The following RNF150 variants were observed in gnomAD, a reference collection of about 807,000 sequenced individuals.
RNF150 encodes the protein ring finger protein 150.
A neutral mutation model predicts 39.3 loss-of-function variants in RNF150; 24 were observed. The ratio of observed to expected loss-of-function variants is 0.61; its 90% CI spans 0.44 to 0.86. The LOEUF (loss-of-function observed/expected upper bound fraction) is 0.86. RNF150 is among the 40% of genes least tolerant of loss of function. The pLI is 0.00. For missense variants in RNF150, 502 were observed against 587.8 expected, an observed-to-expected ratio of 0.85 and a Z score of 1.51; for synonymous variants, 255 against 227.3, an observed-to-expected ratio of 1.12 and a Z score of -1.10.
intron 1 of RNF150, among the ~76,000 whole-genome samples, chr4:141,062,560 T>C (rs1737279395): frequency 6.6e-6 from 1 of 152,202 alleles, no homozygotes; most frequent in African/African-American, 2.4e-5. Context: ...CTGAACGCTT[T>C]AAGCTTGCAG....
At chr4:141,194,286 G>C (rs1272050972) in intron 1 of RNF150, among the ~76,000 whole-genome samples, 1 of 152,118 alleles carries the variant, frequency 6.6e-6, no homozygotes, top group Non-Finnish European at 1.5e-5. Flanking sequence ...AAAGTATTCT[G>C]GGGAAAATTA....
intron 1 of RNF150, among the ~76,000 whole-genome samples, chr4:141,003,759 C>G (rs1462993302): frequency 7.2e-5 from 11 of 152,166 alleles, no homozygotes; most frequent in Admixed American, 7.2e-4. Context: ...GTCAGGACTA[C>G]AGATGATAGA....
intron 1 of RNF150, among the ~76,000 whole-genome samples, chr4:141,114,353 C>T (rs1022554116): frequency 6.6e-6 from 1 of 152,166 alleles, no homozygotes; most frequent in Non-Finnish European, 1.5e-5. Context: ...TACAAACTAT[C>T]ATCAGAGAAT....
Position 140,868,396 on chromosome 4 carries a change from A to AAGTTT in RNF150, c.1199-18_1199-17insAAACT, listed in dbSNP as rs773362325. 2 of 1,376,958 alleles carry AAGTTT rather than the reference A, an allele frequency of 1.5e-6. No individual in the cohort carries two copies. The highest frequency in any genetic ancestry group is 2.8e-5 in the African/African-American group (2 of 70,472). 85.3% of individuals were successfully genotyped at this position (1,376,958 alleles called of 1,614,324 possible). ...CCTGCTCACCTGGGAGGAGAAAGCA[A>AAGTTT]AGTTCACAGTGAACACCGAGCTATG... is the stretch of plus-strand genomic sequence containing the variant. On this transcript the variant is annotated splice_polypyrimidine_tract_variant and intron_variant, in intron 6 of 6. Coordinates refer to ENST00000515673, the MANE Select transcript of RNF150 (RefSeq NM_020724.2).
At chr4:140,949,646 T>C (rs1732466035) in intron 2 of RNF150, among the ~76,000 whole-genome samples, 1 of 151,216 alleles carries the variant, frequency 6.6e-6, no homozygotes, top group African/African-American at 2.4e-5. Flanking sequence ...CCTACAGTTC[T>C]ACAGTGCAGG....
chr4:140,868,139 C>A lies in RNF150; in HGVS notation c.*122G>T. ...ATTGCTTTTCGTCAGCATTCTTGAACGGAGCGCCCTGGAGTTGCCAAGGTG... is the reference window on the plus strand; with the variant it reads ...ATTGCTTTTCGTCAGCATTCTTGAAAGGAGCGCCCTGGAGTTGCCAAGGTG... On this transcript the variant is annotated 3_prime_UTR_variant, in exon 7 of 7. Transcript: ENST00000515673. The A allele has an allele frequency of 1.5e-6, 1 of 661,612 alleles. No homozygotes were observed. Among genetic ancestry groups the A allele is most frequent in the Admixed American group, 2.4e-5 (1 of 41,370 alleles). 41.0% of individuals were successfully genotyped at this position (661,612 alleles called of 1,614,324 possible).
chr4:141,009,868 A>G (rs73858471), intron 1 of RNF150, among the ~76,000 whole-genome samples: 11,532 of 152,144 alleles, frequency 0.076, 490 homozygotes, highest in Middle Eastern at 0.16. Context: ...GGCATCCCCA[A>G]ATTAGGTATC....
intron 1 of RNF150, among the ~76,000 whole-genome samples, chr4:141,130,679 A>C (rs376146952): frequency 2.6e-5 from 4 of 152,324 alleles, no homozygotes; most frequent in South Asian, 4.1e-4. Context: ...GTCAGCTAAC[A>C]ATCTTCTTGG....
At chr4:140,911,393 A>T (rs1396770291) in intron 5 of RNF150, 39 bp from the exon 6 acceptor site, 1 of 1,553,968 alleles carries the variant, frequency 6.4e-7, no homozygotes, top group Admixed American at 1.7e-5. Context: ...AGTACATGTC[A>T]TCCACTTAGA....
chr4:140,923,457 ACAGT>A (rs1470966514), intron 5 of RNF150, among the ~76,000 whole-genome samples: 3 of 152,216 alleles, frequency 2.0e-5, no homozygotes, highest in Non-Finnish European at 4.4e-5. Context: ...TGATCATTAA[ACAGT>A]CAGGAAACAA....
intron 5 of RNF150, among the ~76,000 whole-genome samples, chr4:140,925,763 T>C (rs1422498112): frequency 6.6e-6 from 1 of 152,056 alleles, no homozygotes; most frequent in Non-Finnish European, 1.5e-5. Flanking sequence ...CAGACAAATA[T>C]AATGGACATG....
intron 1 of RNF150, among the ~76,000 whole-genome samples, chr4:140,992,401 T>C (rs1734225433): frequency 6.6e-6 from 1 of 151,236 alleles, no homozygotes; most frequent in Non-Finnish European, 1.5e-5. Context: ...AAAACAAAAA[T>C]TAAAAAAGAG....
intron 1 of RNF150, among the ~76,000 whole-genome samples, chr4:141,113,756 CA>C (rs1366914495): frequency 1.3e-5 from 2 of 152,070 alleles, no homozygotes; most frequent in African/African-American, 4.8e-5. Context: ...TAAAATTGAC[CA>C]CATAATTGGA....
At chr4:141,047,501 C>T (rs1736624808) in intron 1 of RNF150, among the ~76,000 whole-genome samples, 1 of 152,218 alleles carries the variant, frequency 6.6e-6, no homozygotes, top group African/African-American at 2.4e-5. Flanking sequence ...AAAATAAATA[C>T]ATTTAAGAAA....
chr4:141,085,517 C>T (rs1441701685), intron 1 of RNF150, among the ~76,000 whole-genome samples: 1 of 152,202 alleles, frequency 6.6e-6, no homozygotes, highest in East Asian at 1.9e-4. Context: ...AACTGCCTGA[C>T]ATGTGAGTGA....
At chr4:141,122,170 T>G (rs1476509813) in intron 1 of RNF150, among the ~76,000 whole-genome samples, 1 of 152,210 alleles carries the variant, frequency 6.6e-6, no homozygotes, top group African/African-American at 2.4e-5. Flanking sequence ...GAGCCACAAC[T>G]GAAACCCGAG....
At chr4:141,208,646 T>G (rs761740691) in intron 1 of RNF150, among the ~76,000 whole-genome samples, 1 of 152,228 alleles carries the variant, frequency 6.6e-6, no homozygotes, top group Non-Finnish European at 1.5e-5. Context: ...CAAGTCAAGA[T>G]AGCTAGTTAG....
chr4:141,069,746 T>C (rs1737616054), intron 1 of RNF150, among the ~76,000 whole-genome samples: 1 of 151,862 alleles, frequency 6.6e-6, no homozygotes, highest in South Asian at 2.1e-4. Context: ...GCTCCTGTTA[T>C]TGGTCTATTC....
intron 1 of RNF150, among the ~76,000 whole-genome samples, chr4:141,051,709 G>A (rs1027560913): frequency 6.6e-6 from 1 of 152,106 alleles, no homozygotes; most frequent in Non-Finnish European, 1.5e-5. Flanking sequence ...TCGGCATTTT[G>A]GTCAAAGCCA....
Sources: allele counts gnomAD v4.1 joint callset (sites outside exome capture counted in the v4.1 genomes callset), GRCh38; gene constraint gnomAD v4.1.1; transcripts MANE v1.5; gene names NCBI Gene and HGNC (gene_info 2026-07-23, HGNC 2026-07-21).